CNTLN: variants seen among roughly 807,000 people sequenced by gnomAD.
CNTLN encodes centlein, also known as centlein, centrosomal protein.
A neutral mutation model predicts 180.0 loss-of-function variants in CNTLN; 212 were observed. The ratio of observed to expected loss-of-function variants is 1.18; its 90% confidence interval spans 1.05 to 1.32. The LOEUF is 1.32. CNTLN is among the 40% of genes most tolerant of loss of function. The pLI, the probability that CNTLN is intolerant of heterozygous loss-of-function variation, is 0.00. For synonymous variants in CNTLN, 722 were observed against 563.1 expected (o/e 1.28, Z -3.99); for missense variants, 2,095 against 1,610.9 (o/e 1.30, Z -5.14).
At chr9:17,207,806 G>A (rs1052548582) in intron 2 of CNTLN, among the ~76,000 whole-genome samples, 1 of 151,928 alleles carries the variant, frequency 6.6e-6, no homozygotes, top group Non-Finnish European at 1.5e-5. Flanking sequence ...CCCCTCCCTT[G>A]TATGCTGACT....
chr9:17,196,983 C>T (rs1277008028), intron 2 of CNTLN, among the ~76,000 whole-genome samples: 1 of 152,058 alleles, frequency 6.6e-6, no homozygotes, highest in Non-Finnish European at 1.5e-5. Flanking sequence ...GCCCATTAAC[C>T]CCCTCCGTTC....
At chr9:17,238,801 T>C (rs1825313123) in intron 5 of CNTLN, among the ~76,000 whole-genome samples, 1 of 152,166 alleles carries the variant, frequency 6.6e-6, no homozygotes, top group Non-Finnish European at 1.5e-5. Flanking sequence ...TTCCTACATG[T>C]ATATATATTT....
chr9:17,397,164 T>A (rs574404041), intron 15 of CNTLN, among the ~76,000 whole-genome samples: 4 of 152,128 alleles, frequency 2.6e-5, no homozygotes, highest in African/African-American at 9.6e-5. Flanking sequence ...ATATACTTTT[T>A]AAATTTTATC....
intron 18 of CNTLN, among the ~76,000 whole-genome samples, chr9:17,449,667 T>C (rs185983160): frequency 6.6e-6 from 1 of 152,350 alleles, no homozygotes; most frequent in East Asian, 1.9e-4. Flanking sequence ...ATTTCACATA[T>C]AACGTGTTTT....
At chr9:17,269,807 T>G (rs1321019244) in intron 5 of CNTLN, among the ~76,000 whole-genome samples, 3 of 152,174 alleles carry the variant, frequency 2.0e-5, no homozygotes, top group African/African-American at 7.2e-5. Flanking sequence ...CTCTATTTCA[T>G]TATTTTGGTT....
At position 17,266,524 on chromosome 9, in the gene CNTLN, G is replaced by A. The variant is rs568400221; in HGVS notation, c.850-7209G>A. Among the ~76,000 whole-genome samples the A allele has an allele frequency of 2.8e-4, 42 of 152,212 alleles. 1 individual carries two copies. The highest frequency in any genetic ancestry group is 9.9e-4 in the African/African-American group (41 of 41,528). Reference sequence around the variant, plus strand: ...TAAAATGTATATTCTGTTGATTTGGGGTGGAGAGTTCTGTAGATGTCTATT... The same window carrying A: ...TAAAATGTATATTCTGTTGATTTGGAGTGGAGAGTTCTGTAGATGTCTATT... On this transcript the variant is annotated intron_variant, in intron 5 of 25. Coordinates refer to ENST00000380647, the MANE Select transcript of CNTLN (RefSeq NM_017738.4).
At chr9:17,231,321 A>C (rs1824797956) in intron 3 of CNTLN, among the ~76,000 whole-genome samples, 1 of 152,160 alleles carries the variant, frequency 6.6e-6, no homozygotes, top group Non-Finnish European at 1.5e-5. Context: ...GTATCTAGTG[A>C]AATTACTAGA....
intron 14 of CNTLN, among the ~76,000 whole-genome samples, chr9:17,394,139 G>A (rs1277018449): frequency 6.6e-6 from 1 of 151,752 alleles, no homozygotes; most frequent in African/African-American, 2.4e-5. Context: ...TATGATTGTC[G>A]AATATTGAAA....
At chr9:17,276,230 A>T (rs572901962) in intron 6 of CNTLN, among the ~76,000 whole-genome samples, 1 of 152,092 alleles carries the variant, frequency 6.6e-6, no homozygotes, top group South Asian at 2.1e-4. Context: ...AATCCTCATT[A>T]TAGGGTAGTA....
chr9:17,447,580 C>T (rs369050493), intron 18 of CNTLN: 3 of 153,204 alleles, frequency 2.0e-5, no homozygotes, highest in African/African-American at 4.8e-5. Flanking sequence ...TGGGTGCCAA[C>T]ATCCCACCTC....
intron 20 of CNTLN, among the ~76,000 whole-genome samples, chr9:17,463,930 TTAG>T (rs1382475861): frequency 9.7e-5 from 3 of 31,084 alleles, no homozygotes; most frequent in South Asian, 2.8e-3. Flanking sequence ...CATTCTTGTT[TTAG>T]TAGTAGCAGC....
At chr9:17,451,517 C>G (rs890715694) in intron 18 of CNTLN, among the ~76,000 whole-genome samples, 1 of 152,208 alleles carries the variant, frequency 6.6e-6, no homozygotes, top group African/African-American at 2.4e-5. Context: ...CTTGGATTGT[C>G]AAGCCCTTTG....
At chr9:17,211,670 A>G (rs1423960998) in intron 2 of CNTLN, among the ~76,000 whole-genome samples, 2 of 152,120 alleles carry the variant, frequency 1.3e-5, no homozygotes, top group East Asian at 3.9e-4. Context: ...CACAATATTG[A>G]TTCTTCCTAT....
chr9:17,264,224 G>C (rs1827228196), intron 5 of CNTLN, among the ~76,000 whole-genome samples: 1 of 146,998 alleles, frequency 6.8e-6, no homozygotes, highest in Non-Finnish European at 1.5e-5. Context: ...TTTTGTATAA[G>C]GTGTAAGGAA....
At chr9:17,505,110 A>G (rs970350403), downstream of CNTLN, among the ~76,000 whole-genome samples, 2 of 147,616 alleles carry the variant, frequency 1.4e-5, no homozygotes, top group African/African-American at 5.0e-5. Context: ...ATATAGAAAA[A>G]GCATGTGACA....
At chr9:17,483,564 T>A (rs1465956262) in intron 23 of CNTLN, among the ~76,000 whole-genome samples, 2 of 152,218 alleles carry the variant, frequency 1.3e-5, no homozygotes, top group Non-Finnish European at 2.9e-5. Context: ...CTAACTAACC[T>A]GCTCTCAGCT....
chr9:17,307,856 C>T (rs1211123080), intron 7 of CNTLN, among the ~76,000 whole-genome samples: 1 of 151,892 alleles, frequency 6.6e-6, no homozygotes, highest in Non-Finnish European at 1.5e-5. Context: ...GGAAGATGTT[C>T]GTATCTTTAA....
At chr9:17,414,792 A>C (rs1019252517) in intron 16 of CNTLN, among the ~76,000 whole-genome samples, 7 of 152,206 alleles carry the variant, frequency 4.6e-5, no homozygotes, top group African/African-American at 1.7e-4. Context: ...TTCCCAGCCA[A>C]TACATTCTTA....
chr9:17,215,828 C>T (rs1277831172), intron 2 of CNTLN, among the ~76,000 whole-genome samples: 3 of 152,274 alleles, frequency 2.0e-5, no homozygotes, highest in South Asian at 2.1e-4. Context: ...AGCGAGGCTC[C>T]GTGGGTGTGG....
Sources: allele counts gnomAD v4.1 joint callset (sites outside exome capture counted in the v4.1 genomes callset), GRCh38; gene constraint gnomAD v4.1.1; transcripts MANE v1.5; gene names NCBI Gene and HGNC (gene_info 2026-07-23, HGNC 2026-07-21).